Variants in SCAPER observed in about 807,000 individuals in gnomAD.
SCAPER encodes the protein S phase cyclin A-associated protein in the endoplasmic reticulum.
Under a neutral mutation model 182.2 loss-of-function variants are expected in SCAPER, and 98 were observed. That is an observed-to-expected ratio of 0.54 (90% CI 0.46 to 0.64). The LOEUF (loss-of-function observed/expected upper bound fraction) is 0.64, where lower values mean the gene tolerates loss of function less well. Among genes scored for constraint, SCAPER ranks in the 30% least tolerant of loss-of-function variants. SCAPER has a pLI of 0.00. For missense variants in SCAPER, 1,432 were observed against 1,690.0 expected (o/e 0.85, Z 2.68); for synonymous variants, 605 against 564.6 (o/e 1.07, Z -1.01).
At chr15:76,888,994 C>T (rs1264242695) in intron 1 of SCAPER, among the ~76,000 whole-genome samples, 8 of 152,196 alleles carry the variant, frequency 5.3e-5, no homozygotes, top group Admixed American at 2.6e-4. Context: ...AGTAACCCTA[C>T]AAGGCAGAAG....
At chr15:76,513,902 C>T (rs1204587498) in intron 23 of SCAPER, among the ~76,000 whole-genome samples, 1 of 152,148 alleles carries the variant, frequency 6.6e-6, no homozygotes, top group African/African-American at 2.4e-5. Flanking sequence ...CACTCAGATC[C>T]CCTCAACTAA....
At chr15:76,348,794 A>G in intron 31 of SCAPER, 58 bp from the exon 32 acceptor site, 4 of 1,034,488 alleles carry the variant, frequency 3.9e-6, no homozygotes, top group Non-Finnish European at 5.6e-6. Flanking sequence ...TTCTTTGAAG[A>G]TTCATAAATT....
chr15:76,529,794 T>A (rs1487536537), intron 23 of SCAPER, among the ~76,000 whole-genome samples: 1 of 152,172 alleles, frequency 6.6e-6, no homozygotes, highest in East Asian at 1.9e-4. Context: ...AGAGAATAGG[T>A]CATACATGCA....
intron 23 of SCAPER, among the ~76,000 whole-genome samples, chr15:76,573,863 T>C (rs867406246): frequency 1.6e-4 from 24 of 152,152 alleles, no homozygotes; most frequent in African/African-American, 4.8e-4. Context: ...CATAAAGTCA[T>C]ACATCTTTAT....
At chr15:76,734,288 G>C (rs1426104129) in intron 15 of SCAPER, among the ~76,000 whole-genome samples, 1 of 152,118 alleles carries the variant, frequency 6.6e-6, no homozygotes, top group Non-Finnish European at 1.5e-5. Context: ...TCAAAAATCA[G>C]GTAGGATCAA....
intron 22 of SCAPER, among the ~76,000 whole-genome samples, chr15:76,596,738 AG>A (rs1369615022): frequency 2.5e-5 from 3 of 121,522 alleles, no homozygotes; most frequent in African/African-American, 7.5e-5. Flanking sequence ...GATGCAGAAA[AG>A]GCCTTCGATA....
At chr15:76,875,974 C>G (rs986228535) in intron 2 of SCAPER, among the ~76,000 whole-genome samples, 1 of 152,182 alleles carries the variant, frequency 6.6e-6, no homozygotes, top group Admixed American at 6.5e-5. Flanking sequence ...AGCCCTGCCC[C>G]GCTGGGAGGC....
chr15:76,564,944 T>C (rs927338090), intron 23 of SCAPER, among the ~76,000 whole-genome samples: 1 of 152,110 alleles, frequency 6.6e-6, no homozygotes, highest in Admixed American at 6.6e-5. Flanking sequence ...GAATGAATAG[T>C]GATGCAATAC....
chr15:76,398,567 T>C (rs558269810), intron 27 of SCAPER, among the ~76,000 whole-genome samples: 1 of 152,308 alleles, frequency 6.6e-6, no homozygotes, highest in South Asian at 2.1e-4. Flanking sequence ...CAAGCACCCT[T>C]AAACACTTGA....
intron 29 of SCAPER, among the ~76,000 whole-genome samples, chr15:76,361,982 T>G (rs111653531): frequency 1.6e-4 from 25 of 152,282 alleles, no homozygotes; most frequent in African/African-American, 6.0e-4. Context: ...AACACATTTT[T>G]TTTTTTTTTA....
intron 2 of SCAPER, among the ~76,000 whole-genome samples, chr15:76,881,415 A>G (rs191298805): frequency 3.4e-4 from 52 of 152,344 alleles, no homozygotes; most frequent in African/African-American, 1.1e-3. Flanking sequence ...TCTTGAAGAG[A>G]TATCTGTACA....
chr15:76,880,981 G>A (rs981999782), intron 2 of SCAPER, among the ~76,000 whole-genome samples: 7 of 152,132 alleles, frequency 4.6e-5, no homozygotes, highest in Non-Finnish European at 8.8e-5. Context: ...CAGCCACTGC[G>A]GAAAACACTA....
chr15:76,812,456 C>G (rs1284638124), intron 5 of SCAPER, among the ~76,000 whole-genome samples: 1 of 147,002 alleles, frequency 6.8e-6, no homozygotes, highest in African/African-American at 2.5e-5. Context: ...CAACTGCACT[C>G]CAGCCTGGGT....
rs115391589 is a variant in SCAPER at position 76,719,144 on chromosome 15, G to C, written c.2165+9451C>G. On this transcript the variant is annotated intron_variant, in intron 17 of 31. Coordinates refer to ENST00000563290, the MANE Select transcript of SCAPER (RefSeq NM_020843.4). ...ATTCATAATAGCCAAGATATGAAAG[G>C]AAACTAAGTGTCCATCAAAGAAACA... is the stretch of plus-strand genomic sequence containing the variant. Among the ~76,000 whole-genome samples, 1,241 of 152,206 alleles carry C rather than the reference G, an allele frequency of 8.2e-3. 13 individuals are homozygous for C. The highest frequency in any genetic ancestry group is 0.028 in the African/African-American group (1,177 of 41,526).
At chr15:76,733,167 G>A in intron 16 of SCAPER, 62 bp downstream of exon 16, 3 of 1,491,236 alleles carry the variant, frequency 2.0e-6, no homozygotes, top group African/African-American at 1.4e-5. Context: ...CGACCCTGCG[G>A]GGCTGGACCC....
rs1443443432 is a variant in SCAPER at position 76,705,900 on chromosome 15, T to C, written c.2247+3A>G. ...TCAAATTAAAAATATATAATATCCT[T>C]ACCTTGAGCTGAATTTTTTTCTGTA... is the stretch of plus-strand genomic sequence containing the variant. On this transcript the variant is annotated splice_donor_region_variant and intron_variant, in intron 18 of 31. Transcript: ENST00000563290. 12 of 1,542,084 alleles carry C rather than the reference T, an allele frequency of 7.8e-6. No individual in the cohort carries two copies. The highest frequency in any genetic ancestry group is 1.0e-5 in the Non-Finnish European group (12 of 1,145,570).
intron 17 of SCAPER, among the ~76,000 whole-genome samples, chr15:76,721,004 C>A (rs1012568440): frequency 1.1e-4 from 17 of 152,100 alleles, no homozygotes; most frequent in Non-Finnish European, 2.4e-4. Context: ...CTTGCCCATG[C>A]CTATGTCCTG....
chr15:76,536,055 T>C (rs2044133971), intron 23 of SCAPER, among the ~76,000 whole-genome samples: 1 of 152,222 alleles, frequency 6.6e-6, no homozygotes, highest in Non-Finnish European at 1.5e-5. Context: ...TCTGAAAGTA[T>C]ATGTCTTGAA....
At chr15:76,467,219 A>G (rs2049747436) in intron 25 of SCAPER, among the ~76,000 whole-genome samples, 1 of 152,158 alleles carries the variant, frequency 6.6e-6, no homozygotes, top group Non-Finnish European at 1.5e-5. Flanking sequence ...GGAGTTCTTT[A>G]TAGTAGTGTG....
Sources: gnomAD v4.1 joint callset for allele counts (sites outside exome capture counted in the v4.1 genomes callset) on GRCh38, gnomAD v4.1.1 for gene constraint, MANE v1.5 for transcripts, NCBI Gene and HGNC (gene_info 2026-07-23, HGNC 2026-07-21) for gene names.